The following AGBL4 variants were observed in gnomAD, a reference collection of about 807,000 sequenced individuals.
AGBL4 encodes cytosolic carboxypeptidase 6.
AGBL4 carries 58 observed loss-of-function variants against 66.4 expected under a neutral mutation model. The observed-to-expected ratio is 0.87, with a 90% confidence interval of 0.71 to 1.09. The LOEUF is 1.09. Ranked by LOEUF, AGBL4 falls within the 50% of genes least tolerant of loss-of-function variation. The pLI, the probability that AGBL4 is intolerant of heterozygous loss-of-function variation, is 0.00. For missense variants in AGBL4, 579 were observed against 631.0 expected (o/e 0.92, Z 0.88); for synonymous variants, 234 against 222.9 (o/e 1.05, Z -0.44).
chr1:48,709,918 A>G (rs1419295604), intron 6 of AGBL4, among the ~76,000 whole-genome samples: 1 of 152,078 alleles, frequency 6.6e-6, no homozygotes, highest in African/African-American at 2.4e-5. Flanking sequence ...GCATTATTTT[A>G]AGAGCTTTGA....
At chr1:49,515,589 A>G (rs1183751484) in intron 3 of AGBL4, among the ~76,000 whole-genome samples, 3 of 151,642 alleles carry the variant, frequency 2.0e-5, no homozygotes, top group Non-Finnish European at 2.9e-5. Flanking sequence ...ACATGCACAC[A>G]TATGTTTATT....
At chr1:48,665,618 C>T (rs1281054635) in intron 6 of AGBL4, among the ~76,000 whole-genome samples, 14 of 152,180 alleles carry the variant, frequency 9.2e-5, no homozygotes, top group Admixed American at 8.5e-4. Flanking sequence ...GCCAGTGCCC[C>T]TTTCACTACC....
chr1:49,611,146 A>C (rs1039637128), intron 3 of AGBL4, among the ~76,000 whole-genome samples: 9 of 152,088 alleles, frequency 5.9e-5, no homozygotes, highest in Admixed American at 5.9e-4. Flanking sequence ...AAGAAATAAA[A>C]ATCTCAAACT....
At chr1:49,814,636 C>T (rs1571624529) in intron 2 of AGBL4, among the ~76,000 whole-genome samples, 1 of 152,142 alleles carries the variant, frequency 6.6e-6, no homozygotes, top group East Asian at 1.9e-4. Context: ...TTTCTGAAGG[C>T]AAACACTATG....
chr1:49,869,759 A>G (rs1164849148), intron 1 of AGBL4, among the ~76,000 whole-genome samples: 1 of 152,166 alleles, frequency 6.6e-6, no homozygotes, highest in African/African-American at 2.4e-5. Context: ...AAAATAAAAT[A>G]AAATAAAGTG....
intron 5 of AGBL4, among the ~76,000 whole-genome samples, chr1:48,958,349 C>T (rs1657666553): frequency 6.6e-6 from 1 of 152,182 alleles, no homozygotes; most frequent in Admixed American, 6.5e-5. Context: ...TGTTCTTATT[C>T]TCTCTTCTGC....
chr1:49,371,436 T>C (rs944519983), intron 3 of AGBL4, among the ~76,000 whole-genome samples: 7 of 152,168 alleles, frequency 4.6e-5, no homozygotes, highest in Admixed American at 3.3e-4. Context: ...ACATAGTTTG[T>C]ACTCAAGAAA....
chr1:48,927,269 G>A (rs3121536), intron 5 of AGBL4, among the ~76,000 whole-genome samples: 128,785 of 152,146 alleles, frequency 0.85, 54,771 homozygotes, highest in Middle Eastern at 0.89. Context: ...TCACAATCAT[G>A]GCAGAAGGCA....
intron 3 of AGBL4, among the ~76,000 whole-genome samples, chr1:49,393,767 G>A (rs545474421): frequency 1.5e-4 from 23 of 152,320 alleles, no homozygotes; most frequent in Admixed American, 7.2e-4. Flanking sequence ...GTGTGTGAGT[G>A]AAGACCTGAA....
chr1:48,560,993 A>G (rs1569791189), intron 11 of AGBL4, among the ~76,000 whole-genome samples: 1 of 152,178 alleles, frequency 6.6e-6, no homozygotes, highest in Admixed American at 6.5e-5. Flanking sequence ...TTTCTCCTCC[A>G]TAGTGACCCT....
intron 3 of AGBL4, among the ~76,000 whole-genome samples, chr1:49,606,735 G>T (rs1477461554): frequency 1.3e-5 from 2 of 152,184 alleles, no homozygotes; most frequent in East Asian, 3.9e-4. Flanking sequence ...TATCCAAGAT[G>T]ACACAGGAAG....
At chr1:49,834,765 C>T (rs926933892) in intron 2 of AGBL4, among the ~76,000 whole-genome samples, 3 of 152,038 alleles carry the variant, frequency 2.0e-5, no homozygotes, top group African/African-American at 7.2e-5. Context: ...GATTCTGGTA[C>T]ATTATCTCTT....
intron 3 of AGBL4, among the ~76,000 whole-genome samples, chr1:49,350,767 C>T (rs898324447): frequency 2.0e-5 from 3 of 151,990 alleles, no homozygotes; most frequent in Non-Finnish European, 2.9e-5. Context: ...TCCTAACCTT[C>T]CCCCCAACTC....
At chr1:48,691,694 A>G (rs2148493471) in intron 6 of AGBL4, among the ~76,000 whole-genome samples, 1 of 152,306 alleles carries the variant, frequency 6.6e-6, no homozygotes, top group African/African-American at 2.4e-5. Context: ...TACACTCACC[A>G]TGCATTTATA....
intron 6 of AGBL4, among the ~76,000 whole-genome samples, chr1:48,758,113 C>T (rs1026829854): frequency 8.5e-5 from 13 of 152,168 alleles, no homozygotes; most frequent in Non-Finnish European, 1.8e-4. Context: ...AAATAGGGTG[C>T]AATATAAGAA....
At chr1:49,640,274 G>T (rs112339417) in intron 3 of AGBL4, among the ~76,000 whole-genome samples, 1 of 152,154 alleles carries the variant, frequency 6.6e-6, no homozygotes, top group African/African-American at 2.4e-5. Flanking sequence ...TGTTGCCAAG[G>T]TGATGGGGAT....
At position 49,567,193 on chromosome 1, in the gene AGBL4, G is replaced by A. The variant is rs1033653434; in HGVS notation, c.282+130120C>T. On this transcript the variant is annotated intron_variant, in intron 3 of 13. Transcript: ENST00000371839. ...GGAGTGACCCGATTTTCCAGGTGCC[G>A]TCTGTCACCCCTTTCTTTGACTAGG... is the stretch of plus-strand genomic sequence containing the variant. Among the ~76,000 whole-genome samples, 26 of 152,314 alleles carry A rather than the reference G, an allele frequency of 1.7e-4. No individual in the cohort carries two copies. In the Middle Eastern group the frequency reaches 0.01, roughly 60 times the overall value.
intron 6 of AGBL4, chr1:48,742,683 C>T (rs143430976): frequency 4.4e-5 from 71 of 1,611,268 alleles, no homozygotes; most frequent in Middle Eastern, 1.6e-4. Context: ...AATAGGACGA[C>T]GTATTTGCTT....
At chr1:49,129,520 G>A (rs1340931702) in intron 4 of AGBL4, among the ~76,000 whole-genome samples, 1 of 150,078 alleles carries the variant, frequency 6.7e-6, no homozygotes, top group Non-Finnish European at 1.5e-5. Context: ...GTGTCCATGT[G>A]TTCTCATTGT....
Sources: allele counts gnomAD v4.1 joint callset (sites outside exome capture counted in the v4.1 genomes callset), GRCh38; gene constraint gnomAD v4.1.1; transcripts MANE v1.5; gene names NCBI Gene and HGNC (gene_info 2026-07-23, HGNC 2026-07-21).